Variants in GPHN observed in about 807,000 individuals in gnomAD.
GPHN encodes the protein gephyrin.
GPHN carries 17 observed loss-of-function variants against 95.5 expected under a neutral mutation model. The observed-to-expected ratio is 0.18, with a 90% confidence interval of 0.12 to 0.27. The LOEUF is 0.27. Among genes scored for constraint, GPHN ranks in the 10% least tolerant of loss-of-function variants. The pLI is 1.00. For synonymous variants in GPHN, 320 were observed against 322.5 expected, an observed-to-expected ratio of 0.99 and a Z score of 0.08; for missense variants, 660 against 978.1, an observed-to-expected ratio of 0.67 and a Z score of 4.34.
chr14:67,491,463 C>T, the GPHN span, among the ~76,000 whole-genome samples: 1 of 152,174 alleles, frequency 6.6e-6, no homozygotes, highest in Non-Finnish European at 1.5e-5. Flanking sequence ...CCACCACTTC[C>T]CCAGTAACTT....
chr14:67,438,031 C>T, the GPHN span, among the ~76,000 whole-genome samples: 1,856 of 152,200 alleles, frequency 0.012, 15 homozygotes, highest in Middle Eastern at 0.02. Flanking sequence ...GTATTTGGGG[C>T]GGTCTGCTCC....
At chr14:67,460,232 G>T in the GPHN span, among the ~76,000 whole-genome samples, 43 of 152,114 alleles carry the variant, frequency 2.8e-4, no homozygotes, top group Admixed American at 2.8e-3. Flanking sequence ...ATACTGTGTG[G>T]TGTCATGGGA....
At chr14:67,046,538 C>T (rs1015070314) in intron 10 of GPHN, among the ~76,000 whole-genome samples, 1 of 152,200 alleles carries the variant, frequency 6.6e-6, no homozygotes, top group Admixed American at 6.5e-5. Context: ...AAGTGATAAT[C>T]AACTATTGAT....
chr14:67,012,954 C>T (rs1165692171), intron 9 of GPHN, among the ~76,000 whole-genome samples: 1 of 152,014 alleles, frequency 6.6e-6, no homozygotes, highest in Non-Finnish European at 1.5e-5. Flanking sequence ...GCACTAACCA[C>T]TTTCTGAAAC....
At chr14:67,684,170 G>C in the GPHN span, among the ~76,000 whole-genome samples, 1 of 152,088 alleles carries the variant, frequency 6.6e-6, no homozygotes, top group Non-Finnish European at 1.5e-5. Context: ...AACAACTCTG[G>C]GGCTCCTCCA....
At chr14:67,339,856 T>C in the GPHN span, among the ~76,000 whole-genome samples, 3 of 152,134 alleles carry the variant, frequency 2.0e-5, no homozygotes, top group African/African-American at 7.2e-5. Context: ...CCCAGCACTT[T>C]GGCAGGCCAA....
At chr14:67,299,360 G>A in the GPHN span, among the ~76,000 whole-genome samples, 1 of 152,120 alleles carries the variant, frequency 6.6e-6, no homozygotes, top group Non-Finnish European at 1.5e-5. Context: ...ATATACCAAA[G>A]TGATTATCCC....
At chr14:67,411,938 C>A in the GPHN span, 4 of 1,296,180 alleles carry the variant, frequency 3.1e-6, no homozygotes, top group Non-Finnish European at 4.2e-6. Context: ...CGTTCCGGGG[C>A]GCGCGTCTGG....
At chr14:66,835,462 A>G (rs1324446376) in intron 4 of GPHN, among the ~76,000 whole-genome samples, 3 of 151,990 alleles carry the variant, frequency 2.0e-5, no homozygotes, top group East Asian at 1.9e-4. Context: ...AATAAGAGCT[A>G]TCTATGACAA....
the GPHN span, among the ~76,000 whole-genome samples, chr14:67,475,063 A>G: frequency 1.3e-5 from 2 of 151,760 alleles, no homozygotes; most frequent in African/African-American, 4.9e-5. Flanking sequence ...CTACAGGCAC[A>G]CACCATCATG....
chr14:67,569,855 T>C, the GPHN span: 1 of 1,022,350 alleles, frequency 9.8e-7, no homozygotes, highest in Non-Finnish European at 1.5e-6. Context: ...CCCAGTTCTC[T>C]GCTTCCCCCA....
chr14:67,601,520 T>C, the GPHN span, among the ~76,000 whole-genome samples: 1 of 152,160 alleles, frequency 6.6e-6, no homozygotes, highest in South Asian at 2.1e-4. Flanking sequence ...AAATGGATAA[T>C]AAAATTACTA....
At chr14:66,909,084 A>C (rs1214807196) in intron 5 of GPHN, among the ~76,000 whole-genome samples, 5 of 152,274 alleles carry the variant, frequency 3.3e-5, no homozygotes, top group Admixed American at 3.3e-4. Context: ...ATTAATTGCC[A>C]CAAAGGTTCC....
At chr14:67,634,430 CAAAAAAAA>C in the GPHN span, among the ~76,000 whole-genome samples, 1 of 114,474 alleles carries the variant, frequency 8.7e-6, no homozygotes, top group Admixed American at 8.9e-5. Flanking sequence ...CTATCTCTAC[CAAAAAAAA>C]AAAAAAAAAA....
intron 1 of GPHN, among the ~76,000 whole-genome samples, chr14:66,625,842 A>G (rs895813840): frequency 2.0e-5 from 3 of 152,176 alleles, no homozygotes; most frequent in Non-Finnish European, 4.4e-5. Flanking sequence ...TCTTATATGC[A>G]GATTTATATT....
At chr14:67,363,263 G>T in the GPHN span, among the ~76,000 whole-genome samples, 1 of 151,716 alleles carries the variant, frequency 6.6e-6, no homozygotes, top group Non-Finnish European at 1.5e-5. Flanking sequence ...CTGTTTCTTG[G>T]TGGGTAAGGC....
At chr14:66,525,388 A>T (rs2058650507) in intron 1 of GPHN, among the ~76,000 whole-genome samples, 1 of 152,158 alleles carries the variant, frequency 6.6e-6, no homozygotes. Flanking sequence ...GATTCTGGAT[A>T]TTAGCCCTTT....
rs112019879 is a variant in GPHN, at chr14:66,848,577, G to A, written c.294+24011G>A. Among the ~76,000 whole-genome samples, 467 of 152,038 alleles carry A rather than the reference G, an allele frequency of 3.1e-3. 11 individuals carry two copies. The highest frequency in any genetic ancestry group is 0.011 in the African/African-American group (443 of 41,490). Reference sequence around the variant, plus strand: ...TCTCGTTAGTGTTAAGATATTAGGAGCACACCATTTTGCATATGATATGTG... The same window carrying A: ...TCTCGTTAGTGTTAAGATATTAGGAACACACCATTTTGCATATGATATGTG... On this transcript the variant is annotated intron_variant, in intron 4 of 22. Transcript: ENST00000478722.
At chr14:66,763,089 G>A (rs983273202) in intron 2 of GPHN, among the ~76,000 whole-genome samples, 3 of 152,042 alleles carry the variant, frequency 2.0e-5, no homozygotes, top group East Asian at 3.9e-4. Context: ...ACTGTCAGCC[G>A]TCCACATCTG....
Sources: allele counts gnomAD v4.1 joint callset (sites outside exome capture counted in the v4.1 genomes callset), GRCh38; gene constraint gnomAD v4.1.1; transcripts MANE v1.5; gene names NCBI Gene and HGNC (gene_info 2026-07-23, HGNC 2026-07-21).